THOC5: variants seen among roughly 807,000 people sequenced by gnomAD.
THOC5 encodes Fms-interacting protein.
A neutral mutation model predicts 92.9 loss-of-function variants in THOC5; 43 were observed. The ratio of observed to expected loss-of-function variants is 0.46; its 90% CI spans 0.36 to 0.60. The LOEUF is 0.60. Among genes scored for constraint, THOC5 ranks in the 20% least tolerant of loss-of-function variants. The probability of loss-of-function intolerance (pLI) is 0.00; values close to 1 mark genes in which losing one functional copy is unlikely to be tolerated. For synonymous variants in THOC5, 296 were observed against 320.1 expected, an observed-to-expected ratio of 0.92 and a Z score of 0.80; for missense variants, 659 against 849.4, an observed-to-expected ratio of 0.78 and a Z score of 2.79.
intron 2 of THOC5, among the ~76,000 whole-genome samples, chr22:29,548,109 C>A (rs562426199): frequency 2.0e-5 from 3 of 152,310 alleles, no homozygotes; most frequent in South Asian, 4.1e-4. Flanking sequence ...CCCCATGATT[C>A]AATTACCTCC....
At chr22:29,527,558 A>T (rs2063568628) in intron 11 of THOC5, among the ~76,000 whole-genome samples, 1 of 152,234 alleles carries the variant, frequency 6.6e-6, no homozygotes, top group East Asian at 1.9e-4. Context: ...GAATCTTTCT[A>T]AAAAATACAT....
At chr22:29,530,995 C>A (rs1012368052) in intron 8 of THOC5, 3 of 981,808 alleles carry the variant, frequency 3.1e-6, no homozygotes, top group Non-Finnish European at 3.7e-6. Context: ...CTATTTTTTT[C>A]AGCCATTTAA....
intron 2 of THOC5, among the ~76,000 whole-genome samples, chr22:29,546,659 C>T (rs566841024): frequency 2.2e-4 from 33 of 152,014 alleles, no homozygotes; most frequent in African/African-American, 7.5e-4. Flanking sequence ...AGGCTGGTCT[C>T]GAACTTCTGA....
At chr22:29,518,869 A>C (rs2063382536) in intron 15 of THOC5, 137 bp downstream of exon 15, 2 of 692,802 alleles carry the variant, frequency 2.9e-6, no homozygotes, top group Non-Finnish European at 5.1e-6. Flanking sequence ...GGCTCTGCCA[A>C]GATGCCCACT....
intron 8 of THOC5, 180 bp downstream of exon 8, chr22:29,531,651 C>A (rs762125684): frequency 6.5e-6 from 9 of 1,380,034 alleles, no homozygotes; most frequent in Non-Finnish European, 8.4e-6. Flanking sequence ...GTTAATCCAG[C>A]CTTAGGCCAG....
chr22:29,549,173 A>C lies in THOC5; in HGVS notation c.-11-15T>G, dbSNP rs765169331. ...GGTTGTTCCTCCTGTTAAGAGGAGA[A>C]AGTTTTTGAGATTCTTCTGGAGTCA... On this transcript the variant is annotated splice_polypyrimidine_tract_variant and intron_variant, in intron 1 of 19. Coordinates refer to ENST00000490103, the MANE Select transcript of THOC5 (RefSeq NM_003678.5). The C allele has an allele frequency of 1.9e-6, 3 of 1,612,008 alleles. No individual in the cohort carries two copies. The Admixed American group carries it at 5.0e-5, about 27-fold the overall frequency.
Position 29,517,244 on chromosome 22 carries a change from T to G in THOC5, c.1593+19A>C. 1 of 1,611,676 alleles carries G rather than the reference T, an allele frequency of 6.2e-7. No individual in the cohort carries two copies. Among genetic ancestry groups the G allele is most frequent in the South Asian group, 1.1e-5 (1 of 91,038 alleles). The stretch of plus-strand genomic sequence containing the variant: ...CAATCCTCAGGACAGTAAGGGTAAC[T>G]TGTCACTCCTTCACCTACCATGTAA... On this transcript the variant is annotated intron_variant, in intron 16 of 19. Coordinates refer to ENST00000490103, the MANE Select transcript of THOC5 (RefSeq NM_003678.5).
intron 15 of THOC5, among the ~76,000 whole-genome samples, chr22:29,517,791 G>A (rs1411520136): frequency 3.3e-5 from 5 of 152,170 alleles, no homozygotes; most frequent in African/African-American, 9.7e-5. Flanking sequence ...ACTGCTCCAG[G>A]GTAAATTCCT....
Position 29,517,370 on chromosome 22 carries a change from A to C in THOC5, c.1490-4T>G. On this transcript the variant is annotated splice_polypyrimidine_tract_variant and splice_region_variant and intron_variant, in intron 15 of 19. Coordinates refer to ENST00000490103, the MANE Select transcript of THOC5 (RefSeq NM_003678.5). Reference sequence around the variant, plus strand: ...GTAACTGGCACAATGCCATGTTCTAAAAGAGAACAAGACAGATGACGTCAC... The same window carrying C: ...GTAACTGGCACAATGCCATGTTCTACAAGAGAACAAGACAGATGACGTCAC... 1 of 1,612,644 alleles carries C rather than the reference A, an allele frequency of 6.2e-7. No individual in the cohort carries two copies. The highest frequency in any genetic ancestry group is 1.1e-5 in the South Asian group (1 of 90,846).
At chr22:29,546,468 C>G (rs956629809) in intron 2 of THOC5, among the ~76,000 whole-genome samples, 1 of 151,934 alleles carries the variant, frequency 6.6e-6, no homozygotes, top group African/African-American at 2.4e-5. Flanking sequence ...TCGGTCTTGT[C>G]GCCCAGGCTG....
chr22:29,514,420 C>T (rs1436047352), intron 17 of THOC5, among the ~76,000 whole-genome samples: 1 of 150,238 alleles, frequency 6.7e-6, no homozygotes, highest in African/African-American at 2.5e-5. Context: ...GGGTTCACGC[C>T]ATTCTCCTGC....
At chr22:29,531,101 T>C in intron 8 of THOC5, 1 of 1,187,954 alleles carries the variant, frequency 8.4e-7, no homozygotes. Flanking sequence ...CTGGGAGGAT[T>C]TCATATGAGC....
intron 8 of THOC5, among the ~76,000 whole-genome samples, chr22:29,530,910 T>C (rs1249028189): frequency 6.6e-6 from 1 of 152,182 alleles, no homozygotes; most frequent in Non-Finnish European, 1.5e-5. Flanking sequence ...GCCTTATCTA[T>C]GGCAACCCTA....
At chr22:29,538,299 A>G (rs2063802224) in intron 6 of THOC5, among the ~76,000 whole-genome samples, 1 of 152,172 alleles carries the variant, frequency 6.6e-6, no homozygotes, top group Non-Finnish European at 1.5e-5. Flanking sequence ...TATTTATGAC[A>G]GCAAAAAATG....
chr22:29,516,911 T>C (rs563634979), intron 17 of THOC5, 118 bp downstream of exon 17: 1 of 895,488 alleles, frequency 1.1e-6, no homozygotes, highest in Non-Finnish European at 1.8e-6. Flanking sequence ...TCACGATCAT[T>C]ATTATCTGTT....
chr22:29,515,010 A>T (rs932023571), intron 17 of THOC5, among the ~76,000 whole-genome samples: 3 of 143,864 alleles, frequency 2.1e-5, no homozygotes, highest in African/African-American at 7.8e-5. Context: ...CAGCCCATAA[A>T]GTACTTTTAA....
chr22:29,531,603 G>A lies in THOC5; in HGVS notation c.847+228C>T, dbSNP rs570903395. ...CCAAGAGCTGTCCAGCCAGGCTCAC[G>A]AATGACTCAAAGCCACCCATTGTGA... On this transcript the variant is annotated intron_variant, in intron 8 of 19. Transcript: ENST00000490103. The A allele has an allele frequency of 1.5e-4, 194 of 1,269,274 alleles. 1 individual carries two copies. The African/African-American group carries it at 1.7e-3, about 11-fold the overall frequency. 78.6% of individuals were successfully genotyped at this position (1,269,274 alleles called of 1,614,324 possible). A position where few individuals can be genotyped will look rare whatever the true frequency, so the allele number is the denominator to read the frequency against.
intron 12 of THOC5, among the ~76,000 whole-genome samples, chr22:29,525,606 T>C (rs1433354019): frequency 6.6e-6 from 1 of 152,222 alleles, no homozygotes; most frequent in African/African-American, 2.4e-5. Flanking sequence ...AAATATGCTG[T>C]TGTCACTTTT....
rs1357321114 is a variant in THOC5, at chr22:29,531,265, GGGGAGAAAATGTA to G, written c.847+553_847+565del. 2.2e-5 allele frequency: 22 copies of G among 985,284 alleles called. No individual in the cohort carries two copies. The East Asian group carries it at 2.4e-3, about 107-fold the overall frequency. 61.0% of individuals were successfully genotyped at this position (985,284 alleles called of 1,614,324 possible). A position where few individuals can be genotyped will look rare whatever the true frequency, so the allele number is the denominator to read the frequency against. On this transcript the variant is annotated intron_variant, in intron 8 of 19. Coordinates refer to ENST00000490103, the MANE Select transcript of THOC5 (RefSeq NM_003678.5). ...CTGTCTGATGAGGTGGGGTGGGGTG[GGGGAGAAAATGTA>G]GGTGCTGGGTGAAAGCTGCATTAGG...
Sources: gnomAD v4.1 joint callset for allele counts (sites outside exome capture counted in the v4.1 genomes callset) on GRCh38, gnomAD v4.1.1 for gene constraint, MANE v1.5 for transcripts, NCBI Gene and HGNC (gene_info 2026-07-23, HGNC 2026-07-21) for gene names.